The following COX10 variants were observed in gnomAD, a reference collection of about 807,000 sequenced individuals.
The protein encoded by COX10 is protoheme IX farnesyltransferase, mitochondrial.
COX10 carries 27 observed loss-of-function variants against 37.3 expected under a neutral mutation model. That is an observed-to-expected ratio of 0.72 (90% CI 0.53 to 1.00). The LOEUF is 1.00. Ranked by LOEUF, COX10 falls within the 50% of genes least tolerant of loss-of-function variation. The probability of loss-of-function intolerance (pLI) is 0.00; values close to 1 mark genes in which losing one functional copy is unlikely to be tolerated. For synonymous variants in COX10, 222 were observed against 229.1 expected (o/e 0.97, Z 0.28); for missense variants, 475 against 563.2 (o/e 0.84, Z 1.59).
At position 14,076,974 on chromosome 17, in the gene COX10, G is replaced by A. The variant is rs1915170275; in HGVS notation, c.417G>A (p.Glu139=). ...TAGATGTAGGGAAAGAGACAAAAGA[G>A]GAAAAGCGGTGGAAAGAGATGAAGC... ...DSIDVGKETK[E]EKRWKEMKLQ... The change falls in exon 3 of 7, where the codon GAG becomes GAA. Residue 139 remains glutamate (E), a synonymous_variant. Coordinates refer to ENST00000261643, the MANE Select transcript of COX10 (RefSeq NM_001303.4). 1 of 1,613,042 alleles carries A rather than the reference G, an allele frequency of 6.2e-7. No individual in the cohort carries two copies.
chr17:14,113,830 A>T (rs1226359304), intron 4 of COX10, among the ~76,000 whole-genome samples: 1 of 152,200 alleles, frequency 6.6e-6, no homozygotes, highest in Non-Finnish European at 1.5e-5. Flanking sequence ...ATTAATTGTG[A>T]TAGAGTAACA....
At chr17:14,094,805 T>G (rs1409842214) in intron 3 of COX10, among the ~76,000 whole-genome samples, 2 of 152,230 alleles carry the variant, frequency 1.3e-5, no homozygotes, top group African/African-American at 4.8e-5. Flanking sequence ...AGAGCACTGC[T>G]TATTAAGCCC....
intron 4 of COX10, among the ~76,000 whole-genome samples, chr17:14,137,940 A>G (rs1400119898): frequency 1.4e-5 from 2 of 140,952 alleles, no homozygotes; most frequent in African/African-American, 2.6e-5. Flanking sequence ...TACGTGGCAG[A>G]CACAATTCAG....
chr17:14,122,922 G>A (rs1421829211), intron 4 of COX10, among the ~76,000 whole-genome samples: 5 of 152,124 alleles, frequency 3.3e-5, no homozygotes, highest in Admixed American at 6.5e-5. Context: ...CATGGCATCC[G>A]CCCACTTCAG....
intron 4 of COX10, among the ~76,000 whole-genome samples, chr17:14,149,145 G>GT (rs1567602117): frequency 6.6e-6 from 1 of 151,602 alleles, no homozygotes; most frequent in East Asian, 1.9e-4. Flanking sequence ...TTTTTGTCAT[G>GT]TGAGTATGAG....
chr17:14,088,522 T>C (rs1187070104), intron 3 of COX10, among the ~76,000 whole-genome samples: 1 of 152,170 alleles, frequency 6.6e-6, no homozygotes, highest in Admixed American at 6.5e-5. Context: ...TAAGTTCAAT[T>C]TGATTTTAAT....
chr17:14,105,581 T>C (rs1196939696), intron 4 of COX10, among the ~76,000 whole-genome samples: 1 of 152,206 alleles, frequency 6.6e-6, no homozygotes, highest in African/African-American at 2.4e-5. Context: ...GTGTAAAACA[T>C]TTTGTTTTGC....
chr17:14,093,880 T>A (rs1567589565), intron 3 of COX10, among the ~76,000 whole-genome samples: 1 of 152,224 alleles, frequency 6.6e-6, no homozygotes, highest in South Asian at 2.1e-4. Context: ...AAATGAGTCT[T>A]TGTAGTACTT....
At chr17:14,180,746 G>T (rs1026762214) in intron 5 of COX10, among the ~76,000 whole-genome samples, 1 of 152,078 alleles carries the variant, frequency 6.6e-6, no homozygotes, top group East Asian at 1.9e-4. Flanking sequence ...ATAATCTAGG[G>T]TCATTTTGCC....
At chr17:14,072,284 A>G (rs1915042952) in intron 1 of COX10, among the ~76,000 whole-genome samples, 4 of 152,084 alleles carry the variant, frequency 2.6e-5, no homozygotes, top group African/African-American at 9.7e-5. Flanking sequence ...GCAATGGCAC[A>G]ATCTTGGCTC....
chr17:14,207,360 T>A lies in COX10; in HGVS notation c.*147T>A. On this transcript the variant is annotated 3_prime_UTR_variant, in exon 7 of 7. Coordinates refer to ENST00000261643, the MANE Select transcript of COX10 (RefSeq NM_001303.4). The stretch of plus-strand genomic sequence containing the variant: ...CAGTGATCACTTGACAGTTTTTTTT[T>A]TTTTTAAATATTACCCAAAATGCTC... 9.0e-7 allele frequency: 1 copy of A among 1,115,902 alleles called. No individual in the cohort carries two copies. Among genetic ancestry groups the A allele is most frequent in the Non-Finnish European group, 1.2e-6 (1 of 819,720 alleles). The allele number at this position is 1,115,902 out of a possible 1,614,324, so 69.1% of individuals were successfully genotyped here. A position where few individuals can be genotyped will look rare whatever the true frequency, so the allele number is the denominator to read the frequency against.
chr17:14,072,407 G>A (rs1484386649), intron 1 of COX10, among the ~76,000 whole-genome samples: 1 of 152,126 alleles, frequency 6.6e-6, no homozygotes, highest in Non-Finnish European at 1.5e-5. Context: ...TTTTAGTAGA[G>A]ACGGGGTTTC....
chr17:14,150,499 A>T (rs1026989380), intron 4 of COX10, among the ~76,000 whole-genome samples: 2 of 152,192 alleles, frequency 1.3e-5, no homozygotes, highest in Non-Finnish European at 2.9e-5. Flanking sequence ...AAACCGTTGT[A>T]GGTTTGATTT....
rs548886009 is a variant in COX10, at chr17:14,077,549, G to A, written c.499+493G>A. On this transcript the variant is annotated intron_variant, in intron 3 of 6. Transcript: ENST00000261643. Reference sequence around the variant, plus strand: ...TGCATTTTTCCTGAAAGGAGATTTGGAACCAGATTTTGTTTTTTAACCTAA... The same window carrying A: ...TGCATTTTTCCTGAAAGGAGATTTGAAACCAGATTTTGTTTTTTAACCTAA... 5.3e-5 allele frequency among the ~76,000 whole-genome samples: 8 copies of A among 152,248 alleles called. No homozygotes were observed. In the East Asian group the frequency reaches 1.5e-3, roughly 29 times the overall value.
intron 3 of COX10, among the ~76,000 whole-genome samples, chr17:14,096,713 G>T (rs118053740): frequency 0.032 from 4,927 of 152,098 alleles, 105 homozygotes; most frequent in Non-Finnish European, 0.048. Context: ...TTAAATTGTG[G>T]GAAACATAGT....
At chr17:14,125,072 A>G (rs993194055) in intron 4 of COX10, among the ~76,000 whole-genome samples, 6 of 152,192 alleles carry the variant, frequency 3.9e-5, no homozygotes, top group African/African-American at 1.2e-4. Context: ...TAAAATGTGA[A>G]CAGTGAAATG....
intron 4 of COX10, among the ~76,000 whole-genome samples, chr17:14,148,347 G>T (rs940203850): frequency 1.3e-5 from 2 of 152,170 alleles, no homozygotes; most frequent in African/African-American, 4.8e-5. Flanking sequence ...GGCTGACTGG[G>T]TGTCTTTACT....
intron 4 of COX10, among the ~76,000 whole-genome samples, chr17:14,152,958 C>G (rs942702238): frequency 6.6e-6 from 1 of 152,164 alleles, no homozygotes; most frequent in Non-Finnish European, 1.5e-5. Context: ...TGTGTGTGCT[C>G]CACTGTAGTA....
intron 4 of COX10, among the ~76,000 whole-genome samples, chr17:14,129,160 T>G (rs1234727129): frequency 6.6e-6 from 1 of 151,896 alleles, no homozygotes; most frequent in Non-Finnish European, 1.5e-5. Context: ...TTTTTTTTTT[T>G]TTTTAAACAC....
Sources: allele counts gnomAD v4.1 joint callset (sites outside exome capture counted in the v4.1 genomes callset), GRCh38; gene constraint gnomAD v4.1.1; transcripts MANE v1.5; gene names NCBI Gene and HGNC (gene_info 2026-07-23, HGNC 2026-07-21).